MYO5B: variants seen among roughly 807,000 people sequenced by gnomAD.
MYO5B encodes the protein myosin VB.
A neutral mutation model predicts 229.3 loss-of-function variants in MYO5B; 143 were observed. That is an observed-to-expected ratio of 0.62 (90% confidence interval 0.54 to 0.72). The LOEUF (loss-of-function observed/expected upper bound fraction) is 0.72. MYO5B is among the 30% of genes least tolerant of loss of function. The pLI, the probability that MYO5B is intolerant of heterozygous loss-of-function variation, is 0.00. For missense variants in MYO5B, 2,321 were observed against 2,331.0 expected (o/e 1.00, Z 0.09); for synonymous variants, 918 against 885.2 (o/e 1.04, Z -0.66).
Position 50,055,371 on chromosome 18 carries a change from C to G in MYO5B, c.35G>C (p.Arg12Thr). The change falls in exon 2 of 40, where the codon AGG becomes ACG. Residue 12 changes from arginine to threonine, a missense_variant. Coordinates refer to ENST00000285039, the MANE Select transcript of MYO5B (RefSeq NM_001080467.3). Reference sequence around the variant, plus strand: ...CTCATCAGGGTCAGGGATCCAGACCCTTGTGCACTGAAAGATTAAAACAGA... The same window carrying G: ...CTCATCAGGGTCAGGGATCCAGACCGTTGTGCACTGAAAGATTAAAACAGA... ...SVGELYSQCT[R>T]VWIPDPDEVW... The G allele has an allele frequency of 6.2e-7, 1 of 1,613,370 alleles. No homozygotes were observed. The highest frequency in any genetic ancestry group is 8.5e-7 in the Non-Finnish European group (1 of 1,179,526).
At chr18:50,112,902 T>C (rs916479360) in intron 1 of MYO5B, among the ~76,000 whole-genome samples, 3 of 152,228 alleles carry the variant, frequency 2.0e-5, no homozygotes, top group African/African-American at 7.2e-5. Context: ...CAATAAGACA[T>C]TTGTTAGCAC....
intron 4 of MYO5B, among the ~76,000 whole-genome samples, chr18:50,031,703 A>G (rs1163715852): frequency 1.3e-5 from 2 of 152,242 alleles, no homozygotes; most frequent in Non-Finnish European, 2.9e-5. Flanking sequence ...TCATTAAGAA[A>G]CAGGACCCAA....
At chr18:50,021,579 C>G (rs142432584) in intron 4 of MYO5B, among the ~76,000 whole-genome samples, 2 of 152,254 alleles carry the variant, frequency 1.3e-5, no homozygotes, top group African/African-American at 4.8e-5. Flanking sequence ...TATTAAAGAT[C>G]AGTTTGGGTG....
chr18:49,974,779 T>TCACACACAGACACACACA (rs2025728222), intron 9 of MYO5B, among the ~76,000 whole-genome samples, 164 bp from the exon 10 acceptor site: 1 of 117,048 alleles, frequency 8.5e-6, no homozygotes, highest in African/African-American at 3.8e-5. Flanking sequence ...GCAGTCTCTC[T>TCACACACAGACACACACA]CACACACACA....
chr18:49,943,766 C>T (rs1208152051), intron 14 of MYO5B, among the ~76,000 whole-genome samples: 2 of 152,126 alleles, frequency 1.3e-5, no homozygotes, highest in Non-Finnish European at 2.9e-5. Context: ...AAGGTGAATG[C>T]TAATGAAAAT....
At chr18:50,167,278 G>A (rs995265500) in intron 1 of MYO5B, among the ~76,000 whole-genome samples, 1 of 152,218 alleles carries the variant, frequency 6.6e-6, no homozygotes, top group Non-Finnish European at 1.5e-5. Context: ...CACTCCCTAT[G>A]TATGAAGCAA....
chr18:49,837,384 A>G, intron 37 of MYO5B, 133 bp downstream of exon 37: 1 of 1,113,286 alleles, frequency 9.0e-7, no homozygotes, highest in Non-Finnish European at 1.3e-6. Flanking sequence ...TTTGAGTCAC[A>G]GACTGATGGA....
At chr18:50,086,746 G>C (rs1435141394) in intron 1 of MYO5B, among the ~76,000 whole-genome samples, 1 of 152,178 alleles carries the variant, frequency 6.6e-6, no homozygotes, top group Admixed American at 6.5e-5. Flanking sequence ...GCTCAGAAGA[G>C]AGTAAAGACT....
In MYO5B at chr18:49,895,102, G is replaced by A. The variant is rs376089583; in HGVS notation, c.2884C>T (p.Leu962=). 49 of 1,614,042 alleles carry A rather than the reference G, an allele frequency of 3.0e-5. No homozygotes were observed. Among genetic ancestry groups the A allele is most frequent in the Non-Finnish European group, 3.7e-5 (44 of 1,180,050 alleles). The part of the protein sequence containing the change: ...TSTYTMEVER[L]KKELVHYQQS... ...TGGTAGTGCACCAGCTCCTTCTTCA[G>A]CCGCTCTACCTCCATGGTGTATGTT... Residue 962 remains leucine, a synonymous_variant, in exon 22 of 40, where the codon CTG becomes TTG. Coordinates refer to ENST00000285039, the MANE Select transcript of MYO5B (RefSeq NM_001080467.3).
chr18:49,901,138 T>C (rs766963378), intron 21 of MYO5B, among the ~76,000 whole-genome samples: 4 of 152,220 alleles, frequency 2.6e-5, no homozygotes, highest in Admixed American at 6.5e-5. Context: ...GGATCAATGC[T>C]GTTCAGCCTG....
At chr18:50,050,568 T>G in intron 2 of MYO5B, among the ~76,000 whole-genome samples, 1 of 152,210 alleles carries the variant, frequency 6.6e-6, no homozygotes, top group Non-Finnish European at 1.5e-5. Context: ...TATTAAAGAA[T>G]ACATGGTGTG....
chr18:50,120,254 G>A (rs891560547), intron 1 of MYO5B, among the ~76,000 whole-genome samples: 6 of 152,220 alleles, frequency 3.9e-5, no homozygotes, highest in African/African-American at 1.2e-4. Flanking sequence ...AGGAAGCACC[G>A]AGTGTAAATG....
Position 49,828,887 on chromosome 18 carries a change from GT to G in MYO5B, c.5395-2265del, listed in dbSNP as rs1161499163. 2.6e-5 allele frequency among the ~76,000 whole-genome samples: 4 copies of G among 150,966 alleles called. No individual in the cohort carries two copies. In the South Asian group the frequency reaches 8.4e-4, roughly 32 times the overall value. ...GATGGGATAAACATAGTGCTAAAAA[GT>G]TTGTAGCTGTAAATGTCTACATTAA... On this transcript the variant is annotated intron_variant, in intron 39 of 39. Transcript: ENST00000285039.
rs138964024 is a variant in MYO5B, at chr18:49,841,221, C to T, written c.4701+144G>A. On this transcript the variant is annotated intron_variant, in intron 35 of 39. Transcript: ENST00000285039. ...CTGGCCTTATTGCTGCTTCCAGCCA[C>T]GAGGCATGATAAGGTGTGCCCACGG... 430 of 788,896 alleles carry T rather than the reference C, an allele frequency of 5.5e-4. 5 individuals carry two copies. The African/African-American group carries it at 6.5e-3, about 12-fold the overall frequency. The allele number at this position is 788,896 out of a possible 1,614,324, so 48.9% of individuals were successfully genotyped here. A position where few individuals can be genotyped will look rare whatever the true frequency, so the allele number is the denominator to read the frequency against.
chr18:50,097,799 C>A (rs968969386), intron 1 of MYO5B, among the ~76,000 whole-genome samples: 1 of 152,210 alleles, frequency 6.6e-6, no homozygotes, highest in African/African-American at 2.4e-5. Flanking sequence ...GAAGCAGCCG[C>A]AGGTGCCAAA....
chr18:50,052,514 A>T (rs1292996471), intron 2 of MYO5B, among the ~76,000 whole-genome samples: 8 of 137,624 alleles, frequency 5.8e-5, no homozygotes, highest in Non-Finnish European at 1.2e-4. Context: ...ATGAGAACAC[A>T]TGGACACGGG....
chr18:49,831,790 C>T (rs577543052), intron 39 of MYO5B, among the ~76,000 whole-genome samples: 11 of 152,292 alleles, frequency 7.2e-5, no homozygotes, highest in African/African-American at 2.6e-4. Flanking sequence ...TTGATCTCAG[C>T]TCCTTGTGCA....
At chr18:50,186,107 A>G (rs2033144938) in intron 1 of MYO5B, among the ~76,000 whole-genome samples, 1 of 152,260 alleles carries the variant, frequency 6.6e-6, no homozygotes, top group Non-Finnish European at 1.5e-5. Flanking sequence ...CAATATAAGA[A>G]GTATGAAGGA....
chr18:49,830,738 C>T (rs373727991), intron 39 of MYO5B, among the ~76,000 whole-genome samples: 24 of 145,350 alleles, frequency 1.7e-4, no homozygotes, highest in African/African-American at 5.9e-4. Context: ...TTCCCTGAGG[C>T]AGGAGAATTG....
Sources: gnomAD v4.1 joint callset for allele counts (sites outside exome capture counted in the v4.1 genomes callset) on GRCh38, gnomAD v4.1.1 for gene constraint, MANE v1.5 for transcripts, NCBI Gene and HGNC (gene_info 2026-07-23, HGNC 2026-07-21) for gene names.